NRXN3: variants seen among roughly 807,000 people sequenced by gnomAD.
NRXN3 encodes the protein neurexin 3, also known as neurexin III.
In NRXN3, 32 loss-of-function variants were observed where a neutral mutation model predicts 137.6. The observed-to-expected ratio is 0.23, with a 90% CI of 0.18 to 0.31. The LOEUF (loss-of-function observed/expected upper bound fraction) is 0.31, where lower values mean the gene tolerates loss of function less well. Ranked by LOEUF, NRXN3 falls within the 10% of genes least tolerant of loss-of-function variation. The pLI is 1.00. For synonymous variants in NRXN3, 798 were observed against 784.5 expected (o/e 1.02, Z -0.29); for missense variants, 1,574 against 2,062.5 (o/e 0.76, Z 4.59).
In NRXN3 at chr14:79,551,498, T is replaced by C. The variant is rs1483197563; in HGVS notation, c.3444+84096T>C. ...TATGATTACTCTGTTGTCATTTCTC[T>C]GAATTTCTGGTCCTCTTTCCATCTC... is the stretch of plus-strand genomic sequence containing the variant. On this transcript the variant is annotated intron_variant, in intron 16 of 20. Transcript: ENST00000335750. 4.6e-5 allele frequency among the ~76,000 whole-genome samples: 7 copies of C among 152,194 alleles called. No individual in the cohort carries two copies. In the East Asian group the frequency reaches 1.4e-3, roughly 29 times the overall value.
chr14:79,340,846 C>T (rs1263792584), intron 15 of NRXN3, among the ~76,000 whole-genome samples: 2 of 152,102 alleles, frequency 1.3e-5, no homozygotes, highest in East Asian at 3.9e-4. Context: ...AGTATTTTGG[C>T]AGTTGGACGA....
intron 16 of NRXN3, among the ~76,000 whole-genome samples, chr14:79,637,726 G>GTTCTTTTTTTT (rs2098411790): frequency 1.1e-5 from 1 of 93,000 alleles, no homozygotes; most frequent in African/African-American, 8.6e-5. Flanking sequence ...ATATAGAAAA[G>GTTCTTTTTTTT]TTCTTTTTTT....
chr14:78,626,856 G>T (rs1168037481), intron 4 of NRXN3, among the ~76,000 whole-genome samples: 3 of 152,234 alleles, frequency 2.0e-5, no homozygotes, highest in African/African-American at 4.8e-5. Flanking sequence ...CTCACAGAGA[G>T]TGGAGAAGCA....
intron 15 of NRXN3, among the ~76,000 whole-genome samples, chr14:79,132,320 A>G (rs538772099): frequency 3.9e-5 from 6 of 152,336 alleles, no homozygotes; most frequent in African/African-American, 1.4e-4. Context: ...TGAAATGTAT[A>G]TACAGATAAA....
intron 6 of NRXN3, among the ~76,000 whole-genome samples, chr14:78,653,710 TACACACAC>T (rs10650669): frequency 2.8e-5 from 4 of 142,910 alleles, no homozygotes; most frequent in African/African-American, 5.2e-5. Flanking sequence ...GAAAATAAAA[TACACACAC>T]ACACACACAC....
intron 4 of NRXN3, among the ~76,000 whole-genome samples, chr14:78,316,617 C>T (rs569984438): frequency 1.2e-4 from 19 of 152,250 alleles, no homozygotes; most frequent in East Asian, 1.2e-3. Flanking sequence ...GTGAGACATT[C>T]CCTTTCTTCC....
intron 10 of NRXN3, among the ~76,000 whole-genome samples, chr14:78,868,201 TA>T (rs1013616394): frequency 2.0e-5 from 3 of 152,022 alleles, no homozygotes; most frequent in Non-Finnish European, 4.4e-5. Flanking sequence ...AAATTGTTTC[TA>T]AAATCCCCAT....
At chr14:78,385,290 AACACACACACACACACAC>A (rs34246142) in intron 4 of NRXN3, among the ~76,000 whole-genome samples, 107 of 147,464 alleles carry the variant, frequency 7.3e-4, no homozygotes, top group African/African-American at 1.8e-3. Context: ...AACTTTAAGC[AACACACACACACACACAC>A]ACACACACAC....
intron 15 of NRXN3, among the ~76,000 whole-genome samples, chr14:79,184,516 C>T (rs2063292005): frequency 1.3e-5 from 2 of 152,056 alleles, no homozygotes; most frequent in Non-Finnish European, 2.9e-5. Flanking sequence ...TTCTTCAAAC[C>T]AAAGTATAAT....
At chr14:78,303,636 G>A (rs2077086680) in intron 4 of NRXN3, among the ~76,000 whole-genome samples, 1 of 152,010 alleles carries the variant, frequency 6.6e-6, no homozygotes, top group Admixed American at 6.6e-5. Flanking sequence ...ACCCCTGCCA[G>A]CTCCCCCATC....
intron 10 of NRXN3, among the ~76,000 whole-genome samples, chr14:78,926,706 T>A (rs1196951405): frequency 1.3e-4 from 12 of 89,118 alleles, no homozygotes; most frequent in Non-Finnish European, 2.5e-4. Flanking sequence ...AAAATATATA[T>A]TATATATTAT....
chr14:79,688,777 C>T (rs1171210158), intron 17 of NRXN3, among the ~76,000 whole-genome samples: 2 of 152,092 alleles, frequency 1.3e-5, no homozygotes, highest in African/African-American at 4.8e-5. Flanking sequence ...TTGTTGCACA[C>T]GTCTCCAGGA....
chr14:79,504,670 T>TATATATATATATATATATAA (rs1297701522), intron 16 of NRXN3, among the ~76,000 whole-genome samples: 24 of 143,098 alleles, frequency 1.7e-4, no homozygotes, highest in African/African-American at 6.0e-4. Context: ...TATATATATA[T>TATATATATATATATATATAA]ATATAAAACA....
intron 15 of NRXN3, among the ~76,000 whole-genome samples, chr14:79,240,355 C>G (rs565950643): frequency 1.4e-3 from 217 of 152,232 alleles, no homozygotes; most frequent in African/African-American, 5.0e-3. Context: ...GTTTTCCTCC[C>G]TGTTACCTTG....
intron 15 of NRXN3, among the ~76,000 whole-genome samples, chr14:79,302,676 G>C (rs1566731328): frequency 6.6e-6 from 1 of 151,870 alleles, no homozygotes. Context: ...TCTCATGATG[G>C]TGAGTTCTCA....
chr14:79,249,100 C>T (rs1352000500), intron 15 of NRXN3: 1 of 152,116 alleles, frequency 6.6e-6, no homozygotes, highest in Non-Finnish European at 1.5e-5. Context: ...GAGTTCTGCT[C>T]TGGAGCTTCT....
intron 10 of NRXN3, among the ~76,000 whole-genome samples, chr14:78,851,712 A>G (rs1294425478): frequency 6.6e-6 from 1 of 152,206 alleles, no homozygotes; most frequent in African/African-American, 2.4e-5. Context: ...GGAAACAACG[A>G]AAGTGAGAAA....
chr14:78,658,819 C>T (rs7153536), intron 6 of NRXN3, among the ~76,000 whole-genome samples: 26,317 of 152,004 alleles, frequency 0.17, 2,437 homozygotes, highest in South Asian at 0.24. Flanking sequence ...GAGATAAGAG[C>T]GTCTTGACAG....
At chr14:78,221,452 C>T (rs1422250927) in intron 1 of NRXN3, among the ~76,000 whole-genome samples, 1 of 152,114 alleles carries the variant, frequency 6.6e-6, no homozygotes, top group African/African-American at 2.4e-5. Flanking sequence ...GGGCATTGAT[C>T]ACAGTAGTGG....
Sources: gnomAD v4.1 joint callset for allele counts (sites outside exome capture counted in the v4.1 genomes callset) on GRCh38, gnomAD v4.1.1 for gene constraint, MANE v1.5 for transcripts, NCBI Gene and HGNC (gene_info 2026-07-23, HGNC 2026-07-21) for gene names.